CLHC1: variants seen among roughly 807,000 people sequenced by gnomAD.
The protein encoded by CLHC1 is clathrin heavy chain linker domain containing 1, also known as clathrin heavy chain linker domain-containing protein 1.
CLHC1 carries 72 observed loss-of-function variants against 69.5 expected under a neutral mutation model. That is an observed-to-expected ratio of 1.04 (90% CI 0.86 to 1.26). The LOEUF is 1.26. CLHC1 is among the 50% of genes most tolerant of loss of function. CLHC1 has a pLI of 0.00. For missense variants in CLHC1, 790 were observed against 679.3 expected (o/e 1.16, Z -1.81); for synonymous variants, 223 against 224.3 (o/e 0.99, Z 0.05).
At chr2:55,226,867 A>G (rs1360521818) in intron 2 of CLHC1, among the ~76,000 whole-genome samples, 1 of 152,228 alleles carries the variant, frequency 6.6e-6, no homozygotes, top group Non-Finnish European at 1.5e-5. Flanking sequence ...TCCTGGCCTC[A>G]AGTGATCAGC....
chr2:55,175,966 T>A lies in CLHC1; in HGVS notation c.1585A>T (p.Ile529Leu). 1 of 1,613,796 alleles carries A rather than the reference T, an allele frequency of 6.2e-7. No individual in the cohort carries two copies. Among genetic ancestry groups the A allele is most frequent in the Non-Finnish European group, 8.5e-7 (1 of 1,179,742 alleles). ...GGIDAVESLM[I>L]NDSFCSIEKW... is the part of the protein sequence containing the mutation. ...TCTATGGAGCAAAAGGAATCATTTA[T>A]CATAAGACTTTCTACTGCATCTGTG... is the stretch of plus-strand genomic sequence containing the variant. Residue 529 changes from isoleucine to leucine, a missense_variant, in exon 13 of 13, where the codon ATA becomes TTA. Coordinates refer to ENST00000401408, the MANE Select transcript of CLHC1 (RefSeq NM_152385.4).
intron 12 of CLHC1, among the ~76,000 whole-genome samples, chr2:55,176,774 T>C (rs1558438015): frequency 1.3e-5 from 2 of 152,216 alleles, no homozygotes; most frequent in African/African-American, 2.4e-5. Context: ...TTTCAAAATA[T>C]AAAGTTATCT....
At chr2:55,193,333 T>G (rs1671105893) in intron 9 of CLHC1, among the ~76,000 whole-genome samples, 1 of 152,122 alleles carries the variant, frequency 6.6e-6, no homozygotes, top group South Asian at 2.1e-4. Flanking sequence ...CACTTTTTTT[T>G]TTAAATTAAA....
chr2:55,209,803 T>C lies in CLHC1; in HGVS notation c.528A>G (p.Leu176=). Residue 176 remains leucine (L), a synonymous_variant, in exon 6 of 13, where the codon CTA becomes CTG. Transcript: ENST00000401408. ...GTTTCATGTATTTAGTGAGAGCATC[T>C]AGATTCATGGATTCTTGAAGAGTCA... is the stretch of plus-strand genomic sequence containing the variant. ...PGMTLQESMN[L]DALTKYMKHL... The C allele has an allele frequency of 6.2e-7, 1 of 1,609,072 alleles. No individual in the cohort carries two copies. The highest frequency in any genetic ancestry group is 2.2e-5 in the East Asian group (1 of 44,850).
chr2:55,232,173 C>T (rs1225556213), intron 1 of CLHC1, 50 bp downstream of exon 1: 1 of 161,892 alleles, frequency 6.2e-6, no homozygotes, highest in Non-Finnish European at 1.4e-5. Context: ...GCTCTAGTCA[C>T]TTCCGGCCCG....
chr2:55,175,268 T>G lies in CLHC1; in HGVS notation c.*522A>C, dbSNP rs1369683612. 6.6e-6 allele frequency: 1 copy of G among 152,568 alleles called. No homozygotes were observed. Among genetic ancestry groups the G allele is most frequent in the South Asian group, 2.1e-4 (1 of 4,852 alleles). 9.5% of individuals were successfully genotyped at this position (152,568 alleles called of 1,614,324 possible). A position where few individuals can be genotyped will look rare whatever the true frequency, so the allele number is the denominator to read the frequency against. ...CAGCTTTTATACTAGAAGCCTAAGC[T>G]TTGCCATATTTATATATATCAAAGC... is the stretch of plus-strand genomic sequence containing the variant. On this transcript the variant is annotated 3_prime_UTR_variant, in exon 13 of 13. Coordinates refer to ENST00000401408, the MANE Select transcript of CLHC1 (RefSeq NM_152385.4).
chr2:55,184,039 A>T (rs1670170424), intron 9 of CLHC1, among the ~76,000 whole-genome samples: 1 of 151,942 alleles, frequency 6.6e-6, no homozygotes, highest in Admixed American at 6.6e-5. Context: ...TTGGCCACCC[A>T]AAGTGCTGGG....
rs1221369472 is a variant in CLHC1, at chr2:55,175,340, G to A, written c.*450C>T. The A allele has an allele frequency of 6.5e-6, 1 of 154,660 alleles. No homozygotes were observed. The highest frequency in any genetic ancestry group is 2.4e-5 in the African/African-American group (1 of 41,438). The allele number at this position is 154,660 out of a possible 1,614,324, so 9.6% of individuals were successfully genotyped here. On this transcript the variant is annotated 3_prime_UTR_variant, in exon 13 of 13. Coordinates refer to ENST00000401408, the MANE Select transcript of CLHC1 (RefSeq NM_152385.4). ...GCAGTACAAAATTACTATACTCTAG[G>A]TTTTTGCCAGCAAGTCCAACCTTGA...
intron 2 of CLHC1, chr2:55,223,869 C>G (rs1674424136): frequency 6.6e-6 from 1 of 152,220 alleles, no homozygotes; most frequent in East Asian, 1.9e-4. Context: ...GATCTCAGCT[C>G]ACTGCAAGCT....
At chr2:55,189,058 T>C (rs1464035017) in intron 9 of CLHC1, among the ~76,000 whole-genome samples, 2 of 152,126 alleles carry the variant, frequency 1.3e-5, no homozygotes, top group Non-Finnish European at 2.9e-5. Flanking sequence ...AGAAAGGTGA[T>C]GGTAAGGTTC....
chr2:55,185,862 TTAG>T, intron 9 of CLHC1, among the ~76,000 whole-genome samples: 1 of 152,344 alleles, frequency 6.6e-6, no homozygotes, highest in African/African-American at 2.4e-5. Context: ...CATTATTTTA[TTAG>T]AAGTTCTGCT....
At position 55,180,380 on chromosome 2, in the gene CLHC1, T is replaced by C. The variant is rs564155143; in HGVS notation, c.1384+130A>G. On this transcript the variant is annotated intron_variant, in intron 11 of 12. Transcript: ENST00000401408. Reference sequence around the variant, plus strand: ...TGTTCATGAAAAATTACACAAGAAATCTCCTACTTATTGGTATATATAAAA... The same window carrying C: ...TGTTCATGAAAAATTACACAAGAAACCTCCTACTTATTGGTATATATAAAA... 245 of 618,186 alleles carry C rather than the reference T, an allele frequency of 4.0e-4. 2 individuals are homozygous for C. In the Middle Eastern group the frequency reaches 4.2e-3, roughly 11 times the overall value. The allele number at this position is 618,186 out of a possible 1,614,324, so 38.3% of individuals were successfully genotyped here. A position where few individuals can be genotyped will look rare whatever the true frequency, so the allele number is the denominator to read the frequency against.
At chr2:55,217,539 AAAAAAAAAAAAAAATATATAT>A (rs1227164025) in intron 4 of CLHC1, among the ~76,000 whole-genome samples, 2 of 82,752 alleles carry the variant, frequency 2.4e-5, no homozygotes, top group African/African-American at 6.0e-5. Context: ...AAAAAAAAAA[AAAAAAAAAAAAAAATATATAT>A]ATATATATAT....
At position 55,209,443 on chromosome 2, in the gene CLHC1, C is replaced by T. The variant is rs752958832; in HGVS notation, c.775G>A (p.Asp259Asn). 6.2e-7 allele frequency: 1 copy of T among 1,611,184 alleles called. No individual in the cohort carries two copies. The highest frequency in any genetic ancestry group is 8.5e-7 in the Non-Finnish European group (1 of 1,179,118). The change falls in exon 7 of 13, where the codon GAC becomes AAC. Residue 259 changes from aspartate (D) to asparagine (N), a missense_variant. Transcript: ENST00000401408. The part of the protein sequence containing the change: ...VKSDMSSPFQ[D>N]FVEQIQKTKY... Reference sequence around the variant, plus strand: ...GTTTTCTGAATTTGCTCCACAAAGTCTTGAAATGGGCTGCTCATATCAGAT... The same window carrying T: ...GTTTTCTGAATTTGCTCCACAAAGTTTTGAAATGGGCTGCTCATATCAGAT...
Position 55,175,994 on chromosome 2 carries a change from G to A in CLHC1, c.1565-8C>T. ...TAAGACTTTCTACTGCATCTGTGGG[G>A]AAAAAATACAATATTATAGTATGGC... On this transcript the variant is annotated splice_polypyrimidine_tract_variant and splice_region_variant and intron_variant, in intron 12 of 12. Transcript: ENST00000401408. The A allele has an allele frequency of 6.2e-7, 1 of 1,604,554 alleles. No individual in the cohort carries two copies.
intron 9 of CLHC1, among the ~76,000 whole-genome samples, chr2:55,194,614 G>A (rs2103810079): frequency 6.6e-6 from 1 of 151,572 alleles, no homozygotes; most frequent in South Asian, 2.1e-4. Context: ...TTTATTAGCT[G>A]ATGACATGAT....
chr2:55,187,433 C>T (rs1670522553), intron 9 of CLHC1, among the ~76,000 whole-genome samples: 1 of 151,920 alleles, frequency 6.6e-6, no homozygotes, highest in Non-Finnish European at 1.5e-5. Context: ...GTCAATATGG[C>T]AAAACCCCAT....
intron 2 of CLHC1, among the ~76,000 whole-genome samples, chr2:55,223,488 C>T (rs1674368061): frequency 6.6e-6 from 1 of 152,112 alleles, no homozygotes; most frequent in African/African-American, 2.4e-5. Context: ...TCCCGCTCGC[C>T]GGGACTGAGT....
At chr2:55,193,457 A>G (rs1671118342) in intron 9 of CLHC1, among the ~76,000 whole-genome samples, 1 of 152,172 alleles carries the variant, frequency 6.6e-6, no homozygotes, top group African/African-American at 2.4e-5. Flanking sequence ...TAAAAACACA[A>G]AAAACACAAT....
Sources: gnomAD v4.1 joint callset for allele counts (sites outside exome capture counted in the v4.1 genomes callset) on GRCh38, gnomAD v4.1.1 for gene constraint, MANE v1.5 for transcripts, NCBI Gene and HGNC (gene_info 2026-07-23, HGNC 2026-07-21) for gene names.